CNGA1: variants seen among roughly 807,000 people sequenced by gnomAD.
CNGA1 encodes cyclic nucleotide-gated channel alpha-1.
Under a neutral mutation model 69.7 loss-of-function variants are expected in CNGA1, and 53 were observed. The observed-to-expected ratio is 0.76, with a 90% confidence interval of 0.61 to 0.96. The LOEUF is 0.96. Ranked by LOEUF, CNGA1 falls within the 40% of genes least tolerant of loss-of-function variation. The pLI is 0.00. For missense variants in CNGA1, 739 were observed against 811.2 expected, an observed-to-expected ratio of 0.91 and a Z score of 1.08; for synonymous variants, 249 against 283.5, an observed-to-expected ratio of 0.88 and a Z score of 1.22.
intron 2 of CNGA1, among the ~76,000 whole-genome samples, chr4:48,004,170 C>A (rs1173969972): frequency 6.6e-6 from 1 of 152,224 alleles, no homozygotes; most frequent in Non-Finnish European, 1.5e-5. Context: ...TCTCTCTCTG[C>A]CTCAGCTGCC....
chr4:47,987,772 T>C (rs1742047166), intron 2 of CNGA1, among the ~76,000 whole-genome samples: 1 of 152,112 alleles, frequency 6.6e-6, no homozygotes, highest in Admixed American at 6.6e-5. Context: ...CTATCTTAGA[T>C]GGGGTTTTCA....
At position 47,947,936 on chromosome 4, in the gene CNGA1, G is replaced by C. The variant is rs115885134; in HGVS notation, c.287+1897C>G. Among the ~76,000 whole-genome samples, 806 of 152,278 alleles carry C rather than the reference G, an allele frequency of 5.3e-3. 5 individuals carry two copies. Among genetic ancestry groups the C allele is most frequent in the African/African-American group, 0.019 (784 of 41,556 alleles). ...TGCCTGTTACAGAGACCAATGCTAT[G>C]ACTCCAAAACAGTGCTTTCTCCTGA... On this transcript the variant is annotated intron_variant, in intron 6 of 10. Transcript: ENST00000514170.
chr4:48,007,759 C>A lies in CNGA1; in HGVS notation c.-123+3035G>T, dbSNP rs142449290. Among the ~76,000 whole-genome samples, 390 of 152,238 alleles carry A rather than the reference C, an allele frequency of 2.6e-3. 2 individuals carry two copies. Among genetic ancestry groups the A allele is most frequent in the African/African-American group, 8.9e-3 (368 of 41,554 alleles). On this transcript the variant is annotated intron_variant, in intron 2 of 10. Transcript: ENST00000514170. ...GAATTATTTTTATAAAACCTAAAATCTGTTAGGCCAGTTACCAAAAGGCAA... is the reference window on the plus strand; with the variant it reads ...GAATTATTTTTATAAAACCTAAAATATGTTAGGCCAGTTACCAAAAGGCAA...
intron 3 of CNGA1, among the ~76,000 whole-genome samples, chr4:47,954,063 G>T (rs1739909998): frequency 6.6e-6 from 1 of 152,090 alleles, no homozygotes; most frequent in African/African-American, 2.4e-5. Context: ...GCTGAATGTC[G>T]AGAGGAACAG....
intron 3 of CNGA1, among the ~76,000 whole-genome samples, chr4:47,964,425 AT>A (rs909017159): frequency 7.2e-5 from 11 of 151,778 alleles, no homozygotes; most frequent in East Asian, 5.8e-4. Flanking sequence ...TCTACTTGGA[AT>A]TTTTTTTTAT....
At position 47,936,797 on chromosome 4, in the gene CNGA1, T is replaced by G; in HGVS notation, c.1685A>C (p.Lys562Thr). 6.2e-7 allele frequency: 1 copy of G among 1,614,152 alleles called. No homozygotes were observed. The highest frequency in any genetic ancestry group is 8.5e-7 in the Non-Finnish European group (1 of 1,180,030). The change falls in exon 11 of 11, where the codon AAA (lysine) becomes ACA (threonine). Residue 562 changes from lysine to threonine, a missense_variant. Physicochemically the swap from Lys to Thr is moderately conservative, Grantham distance 78. Transcript: ENST00000514170. ...GAACAGGTCTGAGTAGCCAATACTT[T>G]TAATATTGGCCGTTCTTCGATTGCC... is the stretch of plus-strand genomic sequence containing the variant. ...KAGNRRTANIKSIGYSDLFCL... is the reference protein window; with the variant it reads ...KAGNRRTANITSIGYSDLFCL...
rs752003888 is a variant in CNGA1, at chr4:47,937,454, C to T, written c.1028G>A (p.Arg343Lys). 6.2e-7 allele frequency: 1 copy of T among 1,614,052 alleles called. No homozygotes were observed. Among genetic ancestry groups the T allele is most frequent in the East Asian group, 2.2e-5 (1 of 44,892 alleles). ...INDPEFGRLA[R>K]KYVYSLYWST... ...CCAGTAAAGGCTGTATACGTATTTT[C>T]TAGCCAAACGGCCAAATTCAGGATC... The change falls in exon 11 of 11, where the codon AGA (arginine) becomes AAA (lysine). Residue 343 changes from arginine (R) to lysine (K), a missense_variant. Coordinates refer to ENST00000514170, the MANE Select transcript of CNGA1 (RefSeq NM_001379270.1).
chr4:47,952,633 A>G lies in CNGA1; in HGVS notation c.57T>C (p.Ile19=). Reference sequence around the variant, plus strand: ...GTATTTCCTTTTCAATATCTGGTACAATCACATTGGGCATGGTTACAAAAG... The same window carrying G: ...GTATTTCCTTTTCAATATCTGGTACGATCACATTGGGCATGGTTACAAAAG... ...QQSFVTMPNV[I]VPDIEKEIRR... Residue 19 remains isoleucine, a synonymous_variant, in exon 4 of 11, where the codon ATT becomes ATC. Coordinates refer to ENST00000514170, the MANE Select transcript of CNGA1 (RefSeq NM_001379270.1). The G allele has an allele frequency of 6.2e-7, 1 of 1,609,994 alleles. No homozygotes were observed. The highest frequency in any genetic ancestry group is 1.3e-5 in the African/African-American group (1 of 74,988).
At chr4:47,997,892 A>G (rs1714457867) in intron 2 of CNGA1, among the ~76,000 whole-genome samples, 1 of 152,230 alleles carries the variant, frequency 6.6e-6, no homozygotes, top group South Asian at 2.1e-4. Flanking sequence ...CAATAAACCT[A>G]TCATAAATTG....
At chr4:47,984,665 C>G (rs6858877) in intron 2 of CNGA1, among the ~76,000 whole-genome samples, 2 of 35,130 alleles carry the variant, frequency 5.7e-5, no homozygotes, top group Admixed American at 3.4e-4. Context: ...TATATATATA[C>G]ACACACACAC....
intron 3 of CNGA1, among the ~76,000 whole-genome samples, chr4:47,979,192 A>G (rs1471454451): frequency 6.6e-6 from 1 of 151,982 alleles, no homozygotes; most frequent in Non-Finnish European, 1.5e-5. Context: ...GAGGTGGCTC[A>G]TGCCTGTAAT....
chr4:48,003,475 A>G (rs1239418010), intron 2 of CNGA1, among the ~76,000 whole-genome samples: 4 of 152,178 alleles, frequency 2.6e-5, no homozygotes, highest in Non-Finnish European at 5.9e-5. Flanking sequence ...GTGGGCAGCA[A>G]GTCACCCAGG....
chr4:47,955,168 CTTTTCTTTTTT>C (rs1031268802), intron 3 of CNGA1, among the ~76,000 whole-genome samples: 4 of 107,588 alleles, frequency 3.7e-5, no homozygotes, highest in South Asian at 6.1e-4. Flanking sequence ...TCTCTTTTTT[CTTTTCTTTTTT>C]TTTTTTTTTT....
At position 47,965,482 on chromosome 4, in the gene CNGA1, G is replaced by A. The variant is rs144123925; in HGVS notation, c.-14-12779C>T. On this transcript the variant is annotated intron_variant, in intron 3 of 10. Coordinates refer to ENST00000514170, the MANE Select transcript of CNGA1 (RefSeq NM_001379270.1). ...CACTCTGTCACCCAGACTGGAGTAC[G>A]GTGGTGTGTTCTCAGCTCACTGCAA... Among the ~76,000 whole-genome samples the A allele has an allele frequency of 7.3e-3, 1,102 of 150,084 alleles. 8 individuals carry two copies. Among genetic ancestry groups the A allele is most frequent in the African/African-American group, 0.025 (1,035 of 40,838 alleles).
intron 2 of CNGA1, among the ~76,000 whole-genome samples, chr4:47,992,166 A>G (rs541235994): frequency 6.6e-6 from 1 of 152,178 alleles, no homozygotes; most frequent in African/African-American, 2.4e-5. Context: ...TTTTGGTTCC[A>G]TATGAATTTT....
chr4:47,988,455 A>G (rs1417648282), intron 2 of CNGA1, among the ~76,000 whole-genome samples: 1 of 152,122 alleles, frequency 6.6e-6, no homozygotes, highest in Admixed American at 6.6e-5. Context: ...ACAAGAGGAA[A>G]TGGAGGCTAT....
At chr4:48,015,091 T>C (rs1406089668) in intron 1 of CNGA1, among the ~76,000 whole-genome samples, 2 of 151,878 alleles carry the variant, frequency 1.3e-5, no homozygotes, top group Non-Finnish European at 2.9e-5. Flanking sequence ...GGCAGGAGAA[T>C]GGCGTGAACC....
chr4:47,985,949 C>A (rs1260342758), intron 2 of CNGA1, among the ~76,000 whole-genome samples: 1 of 152,228 alleles, frequency 6.6e-6, no homozygotes, highest in Non-Finnish European at 1.5e-5. Context: ...GCATTTCACA[C>A]ACTGTCAGTA....
intron 3 of CNGA1, among the ~76,000 whole-genome samples, chr4:47,974,346 A>G (rs1741232415): frequency 6.6e-6 from 1 of 150,888 alleles, no homozygotes; most frequent in Non-Finnish European, 1.5e-5. Context: ...TATATTTCTA[A>G]ATGAAAAAAG....
Sources: allele counts gnomAD v4.1 joint callset (sites outside exome capture counted in the v4.1 genomes callset), GRCh38; gene constraint gnomAD v4.1.1; transcripts MANE v1.5; gene names NCBI Gene and HGNC (gene_info 2026-07-23, HGNC 2026-07-21).